The following WDPCP variants were observed in gnomAD, a reference collection of about 807,000 sequenced individuals.
WDPCP encodes the protein WD repeat-containing and planar cell polarity effector protein fritz homolog.
WDPCP carries 71 observed loss-of-function variants against 93.1 expected under a neutral mutation model. The ratio of observed to expected loss-of-function variants is 0.76; its 90% CI spans 0.63 to 0.93. The LOEUF (loss-of-function observed/expected upper bound fraction) is 0.93. Ranked by LOEUF, WDPCP falls within the 40% of genes least tolerant of loss-of-function variation. The pLI, the probability that WDPCP is intolerant of heterozygous loss-of-function variation, is 0.00. For synonymous variants in WDPCP, 315 were observed against 315.0 expected, an observed-to-expected ratio of 1.00 and a Z score of 0.00; for missense variants, 844 against 887.4, an observed-to-expected ratio of 0.95 and a Z score of 0.62.
chr2:63,120,688 G>A lies in WDPCP; in HGVS notation c.*1318C>T, dbSNP rs928830605. Among the ~76,000 whole-genome samples, 11 of 147,156 alleles carry A rather than the reference G, an allele frequency of 7.5e-5. No homozygotes were observed. Among genetic ancestry groups the A allele is most frequent in the East Asian group, 3.9e-4 (2 of 5,074 alleles). On this transcript the variant is annotated 3_prime_UTR_variant, in exon 18 of 18. Coordinates refer to ENST00000272321, the MANE Select transcript of WDPCP (RefSeq NM_015910.7). ...ACTACAGGTGCACGCCACCACGCCC[G>A]GCTAATTTTTTTTTTTTTTGTATTT... is the stretch of plus-strand genomic sequence containing the variant.
chr2:63,184,255 G>A (rs1674464785), intron 14 of WDPCP, among the ~76,000 whole-genome samples: 1 of 151,924 alleles, frequency 6.6e-6, no homozygotes, highest in Non-Finnish European at 1.5e-5. Context: ...GTTCTGTCCT[G>A]TTGTAATTTG....
At chr2:63,657,844 T>G (rs1185873877) in intron 2 of WDPCP, among the ~76,000 whole-genome samples, 1 of 152,154 alleles carries the variant, frequency 6.6e-6, no homozygotes, top group Non-Finnish European at 1.5e-5. Flanking sequence ...TGGTTCCCTG[T>G]CCAGCTGGCC....
At chr2:63,617,896 C>T (rs1709690162) in intron 3 of WDPCP, among the ~76,000 whole-genome samples, 1 of 152,206 alleles carries the variant, frequency 6.6e-6, no homozygotes, top group African/African-American at 2.4e-5. Flanking sequence ...TATATGTACA[C>T]ATTTGTTTTC....
chr2:63,192,528 G>A (rs1675126134), intron 14 of WDPCP, among the ~76,000 whole-genome samples: 1 of 152,280 alleles, frequency 6.6e-6, no homozygotes, highest in Admixed American at 6.5e-5. Context: ...TTTAAGGTAG[G>A]TATCATTACC....
At chr2:63,337,227 G>A (rs549456997) in intron 12 of WDPCP, among the ~76,000 whole-genome samples, 75 of 152,282 alleles carry the variant, frequency 4.9e-4, no homozygotes, top group African/African-American at 1.1e-3. Flanking sequence ...ACTTATGAGT[G>A]AGAACATGCA....
At chr2:63,782,542 G>A (rs1362434866) in intron 2 of WDPCP, among the ~76,000 whole-genome samples, 1 of 152,060 alleles carries the variant, frequency 6.6e-6, no homozygotes, top group Non-Finnish European at 1.5e-5. Context: ...CATCCAAATG[G>A]CCAAGCAGCA....
At chr2:63,571,669 A>G (rs1023799583) in intron 1 of WDPCP, 2 of 465,694 alleles carry the variant, frequency 4.3e-6, no homozygotes, top group Admixed American at 4.9e-5. Flanking sequence ...CACCATTACT[A>G]GAAGTGGCTC....
At chr2:63,788,906 C>T (rs895173780) in intron 2 of WDPCP, among the ~76,000 whole-genome samples, 1 of 152,110 alleles carries the variant, frequency 6.6e-6, no homozygotes, top group African/African-American at 2.4e-5. Context: ...GCCTATAATT[C>T]TGAGCATTCA....
At chr2:63,544,557 G>C (rs1704993304) in intron 1 of WDPCP, among the ~76,000 whole-genome samples, 1 of 151,992 alleles carries the variant, frequency 6.6e-6, no homozygotes. Context: ...AAAATTAATA[G>C]ACAAAAATGA....
intron 14 of WDPCP, among the ~76,000 whole-genome samples, chr2:63,226,620 T>C (rs910757171): frequency 6.6e-6 from 1 of 151,844 alleles, no homozygotes; most frequent in Non-Finnish European, 1.5e-5. Flanking sequence ...CTCAAATACC[T>C]AGATTATTAG....
At chr2:63,276,104 G>T (rs1255878049) in intron 13 of WDPCP, among the ~76,000 whole-genome samples, 1 of 152,146 alleles carries the variant, frequency 6.6e-6, no homozygotes, top group Non-Finnish European at 1.5e-5. Context: ...TAGCTCCACT[G>T]GGTGGCTAAA....
intron 1 of WDPCP, among the ~76,000 whole-genome samples, chr2:63,564,986 C>G (rs536395076): frequency 6.6e-6 from 1 of 152,218 alleles, no homozygotes; most frequent in East Asian, 1.9e-4. Flanking sequence ...ACCATATTAG[C>G]CAGGATAGTC....
intron 10 of WDPCP, among the ~76,000 whole-genome samples, chr2:63,383,294 T>C (rs773208592): frequency 3.3e-5 from 5 of 152,124 alleles, no homozygotes; most frequent in Non-Finnish European, 7.4e-5. Context: ...TAGAATTCTA[T>C]ACCTTTATAA....
At chr2:63,753,973 G>C (rs1237707355) in intron 2 of WDPCP, among the ~76,000 whole-genome samples, 1 of 152,232 alleles carries the variant, frequency 6.6e-6, no homozygotes, top group African/African-American at 2.4e-5. Flanking sequence ...GGAAAAACCT[G>C]TAAGTGAAGG....
At chr2:63,743,120 T>C (rs1669748796) in intron 2 of WDPCP, among the ~76,000 whole-genome samples, 1 of 152,086 alleles carries the variant, frequency 6.6e-6, no homozygotes, top group Admixed American at 6.6e-5. Context: ...GAGCTGGAAT[T>C]TGAATCCAGA....
At chr2:63,415,765 G>A (rs1336155515) in intron 9 of WDPCP, among the ~76,000 whole-genome samples, 1 of 152,184 alleles carries the variant, frequency 6.6e-6, no homozygotes, top group Non-Finnish European at 1.5e-5. Context: ...CTTAAGTGAG[G>A]CTGAGGGAGC....
At position 63,404,123 on chromosome 2, in the gene WDPCP, C is replaced by A. The variant is rs763507671; in HGVS notation, c.1360G>T (p.Glu454Ter). 1.9e-6 allele frequency: 3 copies of A among 1,614,142 alleles called. No individual in the cohort carries two copies. The highest frequency in any genetic ancestry group is 2.5e-6 in the Non-Finnish European group (3 of 1,180,004). Residue 454 changes from glutamate to a stop codon, truncating the protein, a stop_gained, in exon 10 of 18, where the codon GAA becomes TAA. Coordinates refer to ENST00000272321, the MANE Select transcript of WDPCP (RefSeq NM_015910.7). LOFTEE classifies it high-confidence loss of function. ...AGGAGATCATAGATATCACTACCTTCACCCTTCTGAGAAACAACCTGAGGA... is the reference window on the plus strand; with the variant it reads ...AGGAGATCATAGATATCACTACCTTAACCCTTCTGAGAAACAACCTGAGGA... ...IAPQVVSQKG[E>*]GSDIYDLLFL...
intron 2 of WDPCP, among the ~76,000 whole-genome samples, chr2:63,669,428 T>A (rs2106635145): frequency 6.6e-6 from 1 of 152,038 alleles, no homozygotes; most frequent in Non-Finnish European, 1.5e-5. Flanking sequence ...GGTGCAATTT[T>A]GGCTCACTGC....
At chr2:63,806,268 C>CGGG (rs971541414) in intron 2 of WDPCP, among the ~76,000 whole-genome samples, 1 of 151,936 alleles carries the variant, frequency 6.6e-6, no homozygotes, top group African/African-American at 2.4e-5. Context: ...GCCAGGCGTC[C>CGGG]GGGGGGGACA....
Sources: gnomAD v4.1 joint callset for allele counts (sites outside exome capture counted in the v4.1 genomes callset) on GRCh38, gnomAD v4.1.1 for gene constraint, MANE v1.5 for transcripts, NCBI Gene and HGNC (gene_info 2026-07-23, HGNC 2026-07-21) for gene names.